Variants in ORC3 observed in about 807,000 individuals in gnomAD.
ORC3 encodes origin recognition complex subunit 3, also known as homolog of latheo, Drosophila.
Under a neutral mutation model 100.7 loss-of-function variants are expected in ORC3, and 78 were observed. That is an observed-to-expected ratio of 0.77 (90% CI 0.65 to 0.94). The LOEUF (loss-of-function observed/expected upper bound fraction) is 0.94, where lower values mean the gene tolerates loss of function less well. Ranked by LOEUF, ORC3 falls within the 40% of genes least tolerant of loss-of-function variation. The pLI is 0.00. For synonymous variants in ORC3, 295 were observed against 289.3 expected (o/e 1.02, Z -0.20); for missense variants, 789 against 823.9 (o/e 0.96, Z 0.52).
Position 87,664,783 on chromosome 6 carries a change from T to C in ORC3, c.1874T>C (p.Ile625Thr). Residue 625 changes from isoleucine (I) to threonine (T), a missense_variant, in exon 18 of 20, where the codon ATC (isoleucine) becomes ACC (threonine). This residue lies in a region of ORC3 where 366 missense variants were observed against 394.2 expected (regional missense o/e 0.93). Transcript: ENST00000392844. Reference protein sequence around the residue: ...LKSEEGCIPNIAPDICIAYKL... With the variant: ...LKSEEGCIPNTAPDICIAYKL... ...AGCGAAGAAGGCTGCATTCCGAATA[T>C]CGCCCCAGACATCTGCATAGCATAC... is the stretch of plus-strand genomic sequence containing the variant. 6.2e-7 allele frequency: 1 copy of C among 1,614,134 alleles called. No individual in the cohort carries two copies. The highest frequency in any genetic ancestry group is 8.5e-7 in the Non-Finnish European group (1 of 1,179,996).
chr6:87,636,174 C>T (rs569750607), intron 12 of ORC3, among the ~76,000 whole-genome samples: 4 of 152,198 alleles, frequency 2.6e-5, no homozygotes, highest in African/African-American at 7.2e-5. Context: ...CCTCCTGATC[C>T]GCCCGCCTCA....
downstream of ORC3, among the ~76,000 whole-genome samples, chr6:87,669,285 CCT>C (rs1316893219): frequency 1.3e-5 from 2 of 152,226 alleles, no homozygotes; most frequent in African/African-American, 4.8e-5. Context: ...GCAGAAAGCA[CCT>C]AGCCCTGCAG....
intron 13 of ORC3, among the ~76,000 whole-genome samples, chr6:87,637,388 A>G (rs530123413): frequency 3.4e-4 from 52 of 152,308 alleles, no homozygotes; most frequent in African/African-American, 1.2e-3. Flanking sequence ...TATCTGGAAA[A>G]ATACCTCCCC....
At position 87,612,120 on chromosome 6, in the gene ORC3, A is replaced by T. The variant is rs1419610690; in HGVS notation, c.745A>T (p.Ile249Phe). The stretch of plus-strand genomic sequence containing the variant: ...TCTCCATGAATTTCCACTAATACTC[A>T]TTTTTGGAATAGCCACATCTCCTAT... ...QHLHEFPLIL[I>F]FGIATSPIII... The change falls in exon 8 of 20, where the codon ATT (isoleucine) becomes TTT (phenylalanine). Residue 249 changes from isoleucine to phenylalanine, a missense_variant. By Grantham distance (21) the Ile-to-Phe change is conservative. This residue lies in a region of ORC3 where 399 missense variants were observed against 382.0 expected (regional missense o/e 1.04). Transcript: ENST00000392844. The T allele has an allele frequency of 6.2e-7, 1 of 1,612,352 alleles. No individual in the cohort carries two copies. The highest frequency in any genetic ancestry group is 8.5e-7 in the Non-Finnish European group (1 of 1,179,576).
chr6:87,604,756 C>T (rs1174171424), intron 4 of ORC3, among the ~76,000 whole-genome samples: 1 of 152,010 alleles, frequency 6.6e-6, no homozygotes, highest in Non-Finnish European at 1.5e-5. Context: ...TAATCATAGA[C>T]CATAATGCAT....
chr6:87,664,808 C>G lies in ORC3; in HGVS notation c.1899C>G (p.Tyr633Ter), dbSNP rs537346696. ...PNIAPDICIA[Y>*]KLHLECSRLI... is the part of the protein sequence containing the mutation. ...TCGCCCCAGACATCTGCATAGCATACAAACTGCACCTAGAGTGTAGCAGGC... is the reference window on the plus strand; with the variant it reads ...TCGCCCCAGACATCTGCATAGCATAGAAACTGCACCTAGAGTGTAGCAGGC... Residue 633 changes from tyrosine to a stop codon, truncating the protein, a stop_gained, in exon 18 of 20, where the codon TAC (tyrosine) becomes TAG (stop). Transcript: ENST00000392844. LOFTEE classifies it high-confidence loss of function. The G allele has an allele frequency of 6.2e-7, 1 of 1,614,118 alleles. No homozygotes were observed.
At position 87,663,106 on chromosome 6, in the gene ORC3, C is replaced by G. The variant is rs572797674; in HGVS notation, c.1795C>G (p.Leu599Val). Reference sequence around the variant, plus strand: ...TTTAAATGCTGCTCCGCGAATTGCCCTCCATACTGCACTCAACAATCCTTA... The same window carrying G: ...TTTAAATGCTGCTCCGCGAATTGCCGTCCATACTGCACTCAACAATCCTTA... ...EHLNAAPRIA[L>V]HTALNNPYYY... The change falls in exon 17 of 20, where the codon CTC becomes GTC. Residue 599 changes from leucine to valine, a missense_variant. By Grantham distance (32) the Leu-to-Val change is conservative (BLOSUM62 1). Transcript: ENST00000392844. 4.9e-5 allele frequency: 79 copies of G among 1,612,610 alleles called. No individual in the cohort carries two copies. Among genetic ancestry groups the G allele is most frequent in the Non-Finnish European group, 6.4e-5 (76 of 1,179,074 alleles).
intron 14 of ORC3, among the ~76,000 whole-genome samples, chr6:87,656,242 AAC>A (rs2128291863): frequency 6.6e-6 from 1 of 152,348 alleles, no homozygotes; most frequent in African/African-American, 2.4e-5. Context: ...ATCAAAGGAA[AAC>A]AGTTTTAAGT....
chr6:87,657,261 T>C (rs980235004), intron 15 of ORC3, among the ~76,000 whole-genome samples: 8 of 152,224 alleles, frequency 5.3e-5, no homozygotes, highest in African/African-American at 1.9e-4. Context: ...TAAGAGAAAA[T>C]GGGAACATGG....
chr6:87,658,437 A>G (rs991527434), intron 16 of ORC3, among the ~76,000 whole-genome samples: 3 of 150,674 alleles, frequency 2.0e-5, no homozygotes, highest in African/African-American at 4.9e-5. Context: ...AGCCTGGGCA[A>G]CGGTGCAAGA....
chr6:87,607,570 C>A, intron 5 of ORC3, 103 bp from the exon 6 acceptor site: 1 of 749,722 alleles, frequency 1.3e-6, no homozygotes, highest in South Asian at 2.1e-5. Flanking sequence ...AAAACACATT[C>A]TACCAAAAAA....
chr6:87,661,869 T>C (rs1015881449), intron 16 of ORC3, among the ~76,000 whole-genome samples: 9 of 152,134 alleles, frequency 5.9e-5, no homozygotes, highest in Non-Finnish European at 1.3e-4. Context: ...TTTGCCACCC[T>C]CCAGGCATCC....
intron 10 of ORC3, among the ~76,000 whole-genome samples, 167 bp downstream of exon 10, chr6:87,621,654 A>G (rs1779539419): frequency 6.6e-6 from 1 of 152,054 alleles, no homozygotes; most frequent in South Asian, 2.1e-4. Flanking sequence ...AAAGAAAAGT[A>G]TTTTTACAAA....
chr6:87,657,979 T>C lies in ORC3; in HGVS notation c.1652T>C (p.Leu551Pro). The C allele has an allele frequency of 6.2e-7, 1 of 1,605,912 alleles. No individual in the cohort carries two copies. Among genetic ancestry groups the C allele is most frequent in the Non-Finnish European group, 8.5e-7 (1 of 1,172,816 alleles). Residue 551 changes from leucine (L) to proline (P), a missense_variant, in exon 16 of 20, where the codon CTC becomes CCC. This residue lies in a region of ORC3 where 366 missense variants were observed against 394.2 expected (regional missense o/e 0.93). Transcript: ENST00000392844. ...RSKKQTKFEV[L>P]RENVVNFIDC... ...AAGAAGCAAACCAAATTTGAAGTAC[T>C]CAGAGAAAATGTTGTGAACTTCATT...
At chr6:87,664,627 A>G (rs1369832770) in intron 17 of ORC3, 116 bp from the exon 18 acceptor site, 5 of 770,910 alleles carry the variant, frequency 6.5e-6, no homozygotes, top group Non-Finnish European at 1.1e-5. Context: ...TAAATAAGGG[A>G]AACCAAGATT....
At chr6:87,663,979 A>G (rs949803336) in intron 17 of ORC3, among the ~76,000 whole-genome samples, 6 of 152,230 alleles carry the variant, frequency 3.9e-5, no homozygotes, top group Admixed American at 2.6e-4. Context: ...GTAGGACGAT[A>G]TAAGTCAATG....
chr6:87,590,151 C>G lies in ORC3; in HGVS notation c.-18C>G. 6.2e-7 allele frequency: 1 copy of G among 1,614,014 alleles called. No individual in the cohort carries two copies. The highest frequency in any genetic ancestry group is 1.3e-5 in the African/African-American group (1 of 75,036). On this transcript the variant is annotated 5_prime_UTR_variant, in exon 1 of 20. Coordinates refer to ENST00000392844, the MANE Select transcript of ORC3 (RefSeq NM_012381.4). ...GGAAATCCCGAGTGCATCTGGAATA[C>G]GCAGAGTCAGTAAGACCATGGCTAC...
chr6:87,647,358 C>G (rs1291563224), intron 13 of ORC3, among the ~76,000 whole-genome samples: 1 of 152,042 alleles, frequency 6.6e-6, no homozygotes, highest in Non-Finnish European at 1.5e-5. Context: ...CACTATGGAA[C>G]CTTTGCACCC....
intron 11 of ORC3, among the ~76,000 whole-genome samples, chr6:87,630,524 T>C (rs1767320426): frequency 6.6e-6 from 1 of 152,228 alleles, no homozygotes. Flanking sequence ...GTTTTGAGAA[T>C]ACAGGAGTGA....
Sources: allele counts gnomAD v4.1 joint callset (sites outside exome capture counted in the v4.1 genomes callset), GRCh38; gene constraint gnomAD v4.1.1; regional missense constraint gnomAD v4.1.1; transcripts MANE v1.5; gene names NCBI Gene and HGNC (gene_info 2026-07-23, HGNC 2026-07-21).